The following PEX6 variants were observed in gnomAD, a reference collection of about 807,000 sequenced individuals.
PEX6 encodes peroxisome biogenesis factor 6.
A neutral mutation model predicts 85.6 loss-of-function variants in PEX6; 55 were observed. That is an observed-to-expected ratio of 0.64 (90% CI 0.52 to 0.80). PEX6 has a LOEUF of 0.80. Ranked by LOEUF, PEX6 falls within the 30% of genes least tolerant of loss-of-function variation. PEX6 has a pLI of 0.00. For missense variants in PEX6, 1,099 were observed against 1,260.3 expected (o/e 0.87, Z 1.94); for synonymous variants, 519 against 549.1 (o/e 0.95, Z 0.77).
At chr6:42,973,406 G>T (rs1770139328) in intron 3 of PEX6, among the ~76,000 whole-genome samples, 1 of 151,868 alleles carries the variant, frequency 6.6e-6, no homozygotes, top group Non-Finnish European at 1.5e-5. Context: ...CTTTTAGTTT[G>T]CTTGTTTTTT....
intron 1 of PEX6, 134 bp downstream of exon 1, chr6:42,978,135 G>T (rs906934188): frequency 2.7e-6 from 3 of 1,120,554 alleles, no homozygotes; most frequent in African/African-American, 1.5e-5. Context: ...GTGAGTCACC[G>T]CGCCCGGCTA....
chr6:42,967,140 T>G (rs550884185), intron 8 of PEX6, among the ~76,000 whole-genome samples: 52 of 152,050 alleles, frequency 3.4e-4, no homozygotes, highest in Non-Finnish European at 6.9e-4. Flanking sequence ...TGGCTAACTT[T>G]GTATTTTTAG....
Position 42,965,268 on chromosome 6 carries a change from G to C in PEX6, c.2572C>G (p.Leu858Val). The C allele has an allele frequency of 6.2e-7, 1 of 1,613,926 alleles. No homozygotes were observed. The highest frequency in any genetic ancestry group is 1.1e-5 in the South Asian group (1 of 91,082). The change falls in exon 14 of 17, where the codon CTT (leucine) becomes GTT (valine). Residue 858 changes from leucine (L) to valine (V), a missense_variant. Physicochemically the swap from Leu to Val is conservative, Grantham distance 32. Transcript: ENST00000304611. The surrounding 1 kb of genome is among the most constrained non-coding windows in gnomAD (Gnocchi z 5.0). ...GGGGCCCACCTGCCAGGCCGCAGAAGGGCAGGGTCCAGGAGATCTGGTCTG... is the reference window on the plus strand; with the variant it reads ...GGGGCCCACCTGCCAGGCCGCAGAACGGCAGGGTCCAGGAGATCTGGTCTG... ...TNRPDLLDPA[L>V]LRPGRFDKLV...
chr6:42,969,557 C>T (rs1174703701), intron 5 of PEX6, 111 bp downstream of exon 5: 2 of 1,375,114 alleles, frequency 1.5e-6, no homozygotes, highest in African/African-American at 1.4e-5. Flanking sequence ...GAGGAAGGTC[C>T]TCCCAATCCC....
chr6:42,969,103 C>A, intron 5 of PEX6, 118 bp from the exon 6 acceptor site: 1 of 735,124 alleles, frequency 1.4e-6, no homozygotes, highest in South Asian at 1.5e-5. Flanking sequence ...CCTTGAGCCT[C>A]CCTGACCCCA....
Position 42,978,744 on chromosome 6 carries a change from G to GA in PEX6, c.406_407insT (p.Pro136LeufsTer24), listed in dbSNP as rs1561830903. On this transcript the variant is annotated frameshift_variant, in exon 1 of 17. Coordinates refer to ENST00000304611, the MANE Select transcript of PEX6 (RefSeq NM_000287.4). LOFTEE classifies it high-confidence loss of function. Reference sequence around the variant, plus strand: ...CGCCGGCCGCGTCTCCAGCACCCGCGGTCCGGGCACTGGGAGGGTCTCTCC... The same window carrying GA: ...CGCCGGCCGCGTCTCCAGCACCCGCGAGTCCGGGCACTGGGAGGGTCTCTCC... The GA allele has an allele frequency of 1.3e-6, 2 of 1,536,524 alleles. No individual in the cohort carries two copies. Among genetic ancestry groups the GA allele is most frequent in the Non-Finnish European group, 8.7e-7 (1 of 1,147,182 alleles).
rs9471982 is a variant in PEX6, at chr6:42,968,260, G to A, written c.1688+30C>T. 0.52 allele frequency: 840,112 copies of A among 1,600,484 alleles called. 226,557 individuals carry two copies. Among genetic ancestry groups the A allele is most frequent in the African/African-American group, 0.74 (55,117 of 74,716 alleles). On this transcript the variant is annotated intron_variant, in intron 7 of 16. Coordinates refer to ENST00000304611, the MANE Select transcript of PEX6 (RefSeq NM_000287.4). ...CCACCGCGCCCAGCCGGCCCCCCCA[G>A]CTTTGAGAGGCCCAGCTCTGTATAA...
In PEX6 at chr6:42,964,933, T is replaced by C. The variant is rs1561819184; in HGVS notation, c.2667-4A>G. ...CACAGATGGCTCTAGCTTGAATCTG[T>C]TGTGGGATACAGGAAGAAACAGAGT... On this transcript the variant is annotated splice_region_variant and splice_polypyrimidine_tract_variant and intron_variant, in intron 15 of 16. Coordinates refer to ENST00000304611, the MANE Select transcript of PEX6 (RefSeq NM_000287.4). The surrounding 1 kb of genome is among the most constrained non-coding windows in gnomAD (Gnocchi z 4.6). 2 of 1,614,056 alleles carry C rather than the reference T, an allele frequency of 1.2e-6. No individual in the cohort carries two copies. The highest frequency in any genetic ancestry group is 1.7e-6 in the Non-Finnish European group (2 of 1,180,046).
At position 42,965,312 on chromosome 6, in the gene PEX6, AAC is replaced by A; in HGVS notation, c.2526_2527del (p.Phe843CysfsTer22). 6.2e-7 allele frequency: 1 copy of A among 1,614,114 alleles called. No individual in the cohort carries two copies. The stretch of plus-strand genomic sequence containing the variant: ...TGGTCTGTTGGTGGCTCCAATCACA[AAC>A]ACATCCTGAGTGCTGTGCAGCCCAT... On this transcript the variant is annotated frameshift_variant, in exon 14 of 17. Transcript: ENST00000304611. LOFTEE classifies it high-confidence loss of function. This position sits in a 1 kb window ranked among gnomAD's most constrained non-coding sequence, Gnocchi z 5.0.
intron 1 of PEX6, among the ~76,000 whole-genome samples, chr6:42,975,250 A>G (rs1181372229): frequency 3.3e-5 from 5 of 152,162 alleles, no homozygotes; most frequent in Non-Finnish European, 5.9e-5. Flanking sequence ...TCTGGCTCCA[A>G]AAAATTTTCT....
chr6:42,968,243 C>A (rs1769916510), intron 7 of PEX6, 47 bp downstream of exon 7: 4 of 1,551,094 alleles, frequency 2.6e-6, no homozygotes, highest in East Asian at 2.2e-5. Flanking sequence ...AGCCACCGCG[C>A]CCAGCCGGCC....
rs950336722 is a variant in PEX6 at position 42,968,412 on chromosome 6, C to T, written c.1566G>A (p.Arg522=). ...CAGCTGTGAGCAACAGGACTGCAGGCCGGCAACGGCGGGCCCGGGAGAAGA... is the reference window on the plus strand; with the variant it reads ...CAGCTGTGAGCAACAGGACTGCAGGTCGGCAACGGCGGGCCCGGGAGAAGA... ...QAIFSRARRC[R]PAVLLLTAVD... Residue 522 remains arginine, a synonymous_variant, in exon 7 of 17, where the codon CGG becomes CGA. Coordinates refer to ENST00000304611, the MANE Select transcript of PEX6 (RefSeq NM_000287.4). 2.5e-6 allele frequency: 4 copies of T among 1,613,754 alleles called. No individual in the cohort carries two copies. The African/African-American group carries it at 4.0e-5, about 16-fold the overall frequency.
chr6:42,968,638 C>G, intron 6 of PEX6, 140 bp from the exon 7 acceptor site: 2 of 814,708 alleles, frequency 2.5e-6, no homozygotes, highest in Admixed American at 4.5e-5. Context: ...TGGCCAAGTC[C>G]TACCTCTTTT....
chr6:42,966,235 T>C lies in PEX6; in HGVS notation c.2300+7A>G. 6.2e-7 allele frequency: 1 copy of C among 1,611,950 alleles called. No individual in the cohort carries two copies. Among genetic ancestry groups the C allele is most frequent in the Non-Finnish European group, 8.5e-7 (1 of 1,179,764 alleles). Reference sequence around the variant, plus strand: ...CACCCACCATCCCTTCCAGGCCCCCTGGCCACCTGAGGAAGGTAAGGCTGC... The same window carrying C: ...CACCCACCATCCCTTCCAGGCCCCCCGGCCACCTGAGGAAGGTAAGGCTGC... On this transcript the variant is annotated splice_region_variant and intron_variant, in intron 11 of 16. Transcript: ENST00000304611.
chr6:42,964,619 TCCC>T lies in PEX6; in HGVS notation c.2807-151_2807-149del. On this transcript the variant is annotated intron_variant, in intron 16 of 16. Coordinates refer to ENST00000304611, the MANE Select transcript of PEX6 (RefSeq NM_000287.4). The surrounding 1 kb of genome is among the most constrained non-coding windows in gnomAD (Gnocchi z 4.6). ...GTTTGTCTCCCACTAGTTTTTTTTT[TCCC>T]TTAAACATTTTTTTTAGAGTTGGGG... 1.5e-6 allele frequency: 2 copies of T among 1,309,860 alleles called. No individual in the cohort carries two copies. Among genetic ancestry groups the T allele is most frequent in the Admixed American group, 2.0e-5 (1 of 50,348 alleles). The allele number at this position is 1,309,860 out of a possible 1,614,324, so 81.1% of individuals were successfully genotyped here. A position where few individuals can be genotyped will look rare whatever the true frequency, so the allele number is the denominator to read the frequency against.
rs777671719 is a variant in PEX6 at position 42,964,952 on chromosome 6, A to G, written c.2667-23T>C. On this transcript the variant is annotated intron_variant, in intron 15 of 16. Transcript: ENST00000304611. The surrounding 1 kb of genome is among the most constrained non-coding windows in gnomAD (Gnocchi z 4.6). ...AATCTGTTGTGGGATACAGGAAGAA[A>G]CAGAGTTGGCATCACCTCCTCCCTC... The G allele has an allele frequency of 3.7e-6, 6 of 1,614,018 alleles. No individual in the cohort carries two copies. In the South Asian group the frequency reaches 5.5e-5, roughly 15 times the overall value.
rs759763090 is a variant in PEX6, at chr6:42,964,083, T to C, written c.*252A>G. ...GCCCAATCCCCAGAACCCAAGGCCC[T>C]GGCCCTCTTCCTGAGTAGATGGGCC... On this transcript the variant is annotated 3_prime_UTR_variant, in exon 17 of 17. Coordinates refer to ENST00000304611, the MANE Select transcript of PEX6 (RefSeq NM_000287.4). The surrounding 1 kb of genome is among the most constrained non-coding windows in gnomAD (Gnocchi z 4.6). 7 of 589,624 alleles carry C rather than the reference T, an allele frequency of 1.2e-5. No individual in the cohort carries two copies. Among genetic ancestry groups the C allele is most frequent in the Admixed American group, 6.0e-5 (2 of 33,572 alleles). The allele number at this position is 589,624 out of a possible 1,614,324, so 36.5% of individuals were successfully genotyped here. A position where few individuals can be genotyped will look rare whatever the true frequency, so the allele number is the denominator to read the frequency against.
rs267608215 is a variant in PEX6 at position 42,969,920 on chromosome 6, A to T, written c.1198T>A (p.Tyr400Asn). Reference protein sequence around the residue: ...GEAPDGPASAYLADTTHTSLY... With the variant: ...GEAPDGPASANLADTTHTSLY... ...GAGGTATGGGTGGTGTCGGCCAAGT[A>T]GGCACTGGCTGGTCCATCTGGAGCT... The change falls in exon 4 of 17, where the codon TAC (tyrosine) becomes AAC (asparagine). Residue 400 changes from tyrosine (Y) to asparagine (N), a missense_variant. Transcript: ENST00000304611. 6.2e-7 allele frequency: 1 copy of T among 1,614,230 alleles called. No homozygotes were observed. The highest frequency in any genetic ancestry group is 8.5e-7 in the Non-Finnish European group (1 of 1,180,028).
chr6:42,975,307 A>G (rs1770242175), intron 1 of PEX6, among the ~76,000 whole-genome samples: 2 of 152,260 alleles, frequency 1.3e-5, no homozygotes, highest in Non-Finnish European at 2.9e-5. Context: ...GCCCAGAGCC[A>G]GTGAAATGGT....
Sources: gnomAD v4.1 joint callset for allele counts (sites outside exome capture counted in the v4.1 genomes callset) on GRCh38, gnomAD v4.1.1 for gene constraint, Gnocchi (gnomAD v3.1) non-coding constraint, MANE v1.5 for transcripts, NCBI Gene and HGNC (gene_info 2026-07-23, HGNC 2026-07-21) for gene names.